Variants in SHC4 observed in about 807,000 individuals in gnomAD.
SHC4 encodes SHC adaptor protein 4, also known as SHC-transforming protein 4.
Under a neutral mutation model 69.4 loss-of-function variants are expected in SHC4, and 41 were observed. That is an observed-to-expected ratio of 0.59 (90% CI 0.46 to 0.77). SHC4 has a LOEUF of 0.77. Ranked by LOEUF, SHC4 falls within the 30% of genes least tolerant of loss-of-function variation. The pLI is 0.00. For missense variants in SHC4, 777 were observed against 783.8 expected (o/e 0.99, Z 0.10); for synonymous variants, 318 against 299.3 (o/e 1.06, Z -0.64).
At chr15:48,896,239 C>T (rs1357303477) in intron 2 of SHC4, among the ~76,000 whole-genome samples, 1 of 136,720 alleles carries the variant, frequency 7.3e-6, no homozygotes, top group Admixed American at 7.3e-5. Flanking sequence ...TCCCTCCCTC[C>T]CTCTCTCTTT....
chr15:48,918,579 A>T (rs1002077497), intron 2 of SHC4, among the ~76,000 whole-genome samples: 3 of 151,804 alleles, frequency 2.0e-5, no homozygotes, highest in Admixed American at 6.6e-5. Context: ...TTTTCTTTAA[A>T]TTTTTTTATG....
chr15:48,913,995 T>A (rs570675353), intron 2 of SHC4, among the ~76,000 whole-genome samples: 1 of 152,228 alleles, frequency 6.6e-6, no homozygotes, highest in African/African-American at 2.4e-5. Context: ...CTTCAGAGGG[T>A]CTGTGGGTCC....
At chr15:48,833,845 T>A (rs1898852822) in intron 11 of SHC4, among the ~76,000 whole-genome samples, 1 of 152,222 alleles carries the variant, frequency 6.6e-6, no homozygotes, top group African/African-American at 2.4e-5. Context: ...AAATTGTTCT[T>A]CTTACCAGTT....
chr15:48,919,937 AG>A lies in SHC4; in HGVS notation c.656+4941del, dbSNP rs944717140. Among the ~76,000 whole-genome samples, 12 of 151,574 alleles carry A rather than the reference AG, an allele frequency of 7.9e-5. 1 individual carries two copies. The Middle Eastern group carries it at 9.6e-3, about 121-fold the overall frequency. On this transcript the variant is annotated intron_variant, in intron 2 of 11. Transcript: ENST00000332408. The stretch of plus-strand genomic sequence containing the variant: ...AGACATAACTGAATCCTCAAAGGAG[AG>A]GGGAAAAAAAAAACAGTTCACCTTT...
chr15:48,883,512 A>G (rs574933201), intron 4 of SHC4, among the ~76,000 whole-genome samples: 50 of 152,354 alleles, frequency 3.3e-4, no homozygotes, highest in African/African-American at 1.2e-3. Context: ...GGATCACAAC[A>G]TATTAGACAA....
chr15:48,835,051 ATCGAGTTACCTC>A, intron 10 of SHC4, 29 bp from the exon 11 acceptor site: 1 of 1,585,782 alleles, frequency 6.3e-7, no homozygotes, highest in Non-Finnish European at 8.6e-7. Flanking sequence ...GAGAGACATC[ATCGAGTTACCTC>A]TTCATCCATC....
Position 48,963,128 on chromosome 15 carries a change from C to G in SHC4, c.-113G>C, listed in dbSNP as rs1901575771. ...GCCCGATGCAACTCACAGCAGCCAC[C>G]TCTCCAACTCTGCTCTCGAGCTCGC... On this transcript the variant is annotated 5_prime_UTR_variant, in exon 1 of 12. Transcript: ENST00000332408. 1 of 1,130,118 alleles carries G rather than the reference C, an allele frequency of 8.8e-7. No individual in the cohort carries two copies. Among genetic ancestry groups the G allele is most frequent in the East Asian group, 2.4e-5 (1 of 40,960 alleles). The allele number at this position is 1,130,118 out of a possible 1,614,324, so 70.0% of individuals were successfully genotyped here. A position where few individuals can be genotyped will look rare whatever the true frequency, so the allele number is the denominator to read the frequency against.
At chr15:48,873,951 C>G (rs1018791693) in intron 4 of SHC4, among the ~76,000 whole-genome samples, 5 of 151,948 alleles carry the variant, frequency 3.3e-5, no homozygotes, top group Admixed American at 2.6e-4. Context: ...TCAATCCTAC[C>G]CCAGATTAAT....
chr15:48,911,092 A>G (rs1413471731), intron 2 of SHC4, among the ~76,000 whole-genome samples: 4 of 151,366 alleles, frequency 2.6e-5, no homozygotes, highest in Non-Finnish European at 4.4e-5. Flanking sequence ...ACTTGTTCCA[A>G]GATATAGTTT....
At chr15:48,924,059 G>A (rs1900800893) in intron 2 of SHC4, among the ~76,000 whole-genome samples, 1 of 152,106 alleles carries the variant, frequency 6.6e-6, no homozygotes, top group Non-Finnish European at 1.5e-5. Flanking sequence ...CATGGGATGA[G>A]CATTAGGGAG....
chr15:48,889,492 G>A (rs1595746649), intron 3 of SHC4, among the ~76,000 whole-genome samples: 1 of 152,302 alleles, frequency 6.6e-6, no homozygotes, highest in East Asian at 1.9e-4. Flanking sequence ...ATCATCTCTT[G>A]TCTCAGACTC....
chr15:48,839,275 T>C (rs980125452), intron 10 of SHC4, among the ~76,000 whole-genome samples: 5 of 152,224 alleles, frequency 3.3e-5, no homozygotes, highest in African/African-American at 1.2e-4. Flanking sequence ...TCAAGGAAAC[T>C]ACATCGCCAA....
intron 11 of SHC4, among the ~76,000 whole-genome samples, chr15:48,834,465 A>G (rs995275358): frequency 6.6e-6 from 1 of 152,190 alleles, no homozygotes; most frequent in Non-Finnish European, 1.5e-5. Context: ...AGGACTATGT[A>G]TGTGATATTG....
chr15:48,866,310 C>G (rs1391268268), intron 6 of SHC4, among the ~76,000 whole-genome samples: 1 of 152,176 alleles, frequency 6.6e-6, no homozygotes, highest in Non-Finnish European at 1.5e-5. Context: ...ATTCATTCTT[C>G]TTATTTAGTT....
At chr15:48,868,139 A>G (rs2140991057) in intron 5 of SHC4, among the ~76,000 whole-genome samples, 1 of 152,350 alleles carries the variant, frequency 6.6e-6, no homozygotes, top group South Asian at 2.1e-4. Flanking sequence ...GAGAAAGCAG[A>G]TAGGGAACAT....
Position 48,883,184 on chromosome 15 carries a change from G to A in SHC4, c.840+1064C>T, listed in dbSNP as rs1371897270. Among the ~76,000 whole-genome samples, 5 of 152,152 alleles carry A rather than the reference G, an allele frequency of 3.3e-5. No homozygotes were observed. The South Asian group carries it at 1.0e-3, about 32-fold the overall frequency. On this transcript the variant is annotated intron_variant, in intron 4 of 11. Coordinates refer to ENST00000332408, the MANE Select transcript of SHC4 (RefSeq NM_203349.4). ...TGAAAAGGTCTCTGAGAATATTTGA[G>A]TAAATAATAATAGGTATCATGTGAC...
chr15:48,889,741 G>A (rs140599897), intron 3 of SHC4, among the ~76,000 whole-genome samples: 6,751 of 152,226 alleles, frequency 0.044, 302 homozygotes, highest in East Asian at 0.21. Context: ...CTACTCGGGG[G>A]GCTGAGGCAG....
intron 1 of SHC4, among the ~76,000 whole-genome samples, chr15:48,948,751 T>A (rs920606312): frequency 6.6e-6 from 1 of 152,060 alleles, no homozygotes. Flanking sequence ...ACAGAAATTT[T>A]AAAAATTAGC....
chr15:48,961,290 T>C (rs894553614), intron 1 of SHC4, among the ~76,000 whole-genome samples: 1 of 152,224 alleles, frequency 6.6e-6, no homozygotes, highest in Non-Finnish European at 1.5e-5. Flanking sequence ...AATCACAGTA[T>C]TTACAATCTC....
Sources: gnomAD v4.1 joint callset for allele counts (sites outside exome capture counted in the v4.1 genomes callset) on GRCh38, gnomAD v4.1.1 for gene constraint, MANE v1.5 for transcripts, NCBI Gene and HGNC (gene_info 2026-07-23, HGNC 2026-07-21) for gene names.